Variants in SDK1 observed in about 807,000 individuals in gnomAD.
The protein encoded by SDK1 is protein sidekick-1.
In SDK1, 157 loss-of-function variants were observed where a neutral mutation model predicts 245.5. That is an observed-to-expected ratio of 0.64 (90% CI 0.56 to 0.73). The LOEUF (loss-of-function observed/expected upper bound fraction) is 0.73. SDK1 is among the 30% of genes least tolerant of loss of function. The pLI is 0.00. For synonymous variants in SDK1, 1,647 were observed against 1,278.5 expected (o/e 1.29, Z -6.15); for missense variants, 3,583 against 3,002.3 (o/e 1.19, Z -4.52).
At chr7:4,186,394 A>C (rs1016646521) in intron 35 of SDK1, among the ~76,000 whole-genome samples, 4 of 152,146 alleles carry the variant, frequency 2.6e-5, no homozygotes, top group African/African-American at 9.7e-5. Context: ...TGTTATCCCC[A>C]GGGTCGCTCT....
intron 5 of SDK1, among the ~76,000 whole-genome samples, chr7:3,843,735 G>A (rs895100604): frequency 4.3e-4 from 66 of 152,280 alleles, no homozygotes; most frequent in African/African-American, 1.5e-3. Context: ...CCATCGGGAC[G>A]CTGAGGCTTT....
intron 1 of SDK1, among the ~76,000 whole-genome samples, chr7:3,378,136 C>T (rs1462053132): frequency 1.3e-5 from 2 of 152,166 alleles, no homozygotes; most frequent in Non-Finnish European, 2.9e-5. Context: ...TATTTGTTGG[C>T]TCTGAGCTTC....
intron 5 of SDK1, among the ~76,000 whole-genome samples, chr7:3,833,985 C>G (rs1779974041): frequency 6.6e-6 from 1 of 152,148 alleles, no homozygotes; most frequent in Non-Finnish European, 1.5e-5. Flanking sequence ...CATGTTACTA[C>G]AGATTTTGAA....
chr7:3,563,009 A>G (rs922354543), intron 1 of SDK1, among the ~76,000 whole-genome samples: 1 of 151,094 alleles, frequency 6.6e-6, no homozygotes, highest in African/African-American at 2.4e-5. Context: ...AAATACATGC[A>G]AGTAACCCAG....
At chr7:3,476,256 T>C (rs1781345092) in intron 1 of SDK1, among the ~76,000 whole-genome samples, 1 of 152,220 alleles carries the variant, frequency 6.6e-6, no homozygotes, top group Non-Finnish European at 1.5e-5. Flanking sequence ...TTAATGCCAG[T>C]GACTTGAACA....
chr7:3,644,172 G>A (rs1782746607), intron 4 of SDK1, among the ~76,000 whole-genome samples: 1 of 150,566 alleles, frequency 6.6e-6, no homozygotes, highest in Non-Finnish European at 1.5e-5. Context: ...AAAGTGCTGG[G>A]ATTACAGGCA....
chr7:3,726,920 A>G (rs1312803263), intron 4 of SDK1, among the ~76,000 whole-genome samples: 1 of 152,248 alleles, frequency 6.6e-6, no homozygotes, highest in East Asian at 1.9e-4. Flanking sequence ...TTTTTGCTCA[A>G]CCACTTTGCT....
chr7:3,964,411 A>C (rs1370012071), intron 9 of SDK1, among the ~76,000 whole-genome samples: 2 of 152,250 alleles, frequency 1.3e-5, no homozygotes, highest in Non-Finnish European at 2.9e-5. Context: ...AGAATTGGAA[A>C]GACTATTGAG....
intron 1 of SDK1, among the ~76,000 whole-genome samples, chr7:3,377,803 G>C (rs1781391452): frequency 6.6e-6 from 1 of 152,102 alleles, no homozygotes; most frequent in Non-Finnish European, 1.5e-5. Flanking sequence ...TTTGGAGACA[G>C]AGTCTCACTC....
chr7:3,409,693 C>G (rs73671816), intron 1 of SDK1, among the ~76,000 whole-genome samples: 2,830 of 151,832 alleles, frequency 0.019, 74 homozygotes, highest in African/African-American at 0.063. Flanking sequence ...GGGGATGGCT[C>G]TGAGTTGAAG....
chr7:3,504,390 C>G (rs1470741344), intron 1 of SDK1, among the ~76,000 whole-genome samples: 1 of 151,752 alleles, frequency 6.6e-6, no homozygotes, highest in Non-Finnish European at 1.5e-5. Flanking sequence ...AGTTGGAGGA[C>G]TCATATTTTC....
At chr7:3,788,331 G>T (rs1780971386) in intron 4 of SDK1, among the ~76,000 whole-genome samples, 1 of 152,176 alleles carries the variant, frequency 6.6e-6, no homozygotes, top group Non-Finnish European at 1.5e-5. Flanking sequence ...TGTGCGGTCA[G>T]TGTGTGAAAC....
intron 1 of SDK1, among the ~76,000 whole-genome samples, chr7:3,452,505 A>T (rs947782099): frequency 2.6e-5 from 4 of 152,204 alleles, no homozygotes; most frequent in Non-Finnish European, 5.9e-5. Flanking sequence ...GAAAGTTATG[A>T]TGAACATGCA....
chr7:4,174,381 G>A (rs774027280), intron 33 of SDK1, 24 bp downstream of exon 33: 42 of 1,611,982 alleles, frequency 2.6e-5, no homozygotes, highest in Non-Finnish European at 3.4e-5. Context: ...CTCTGTCCTG[G>A]TACAGGGAGG....
rs1256306273 is a variant in SDK1 at position 3,774,899 on chromosome 7, C to T, written c.714-46551C>T. On this transcript the variant is annotated intron_variant, in intron 4 of 44. Coordinates refer to ENST00000404826, the MANE Select transcript of SDK1 (RefSeq NM_152744.4). ...TAATTGGGACTGTTAAATTATCACA[C>T]TCATGCATTCCTGTGAGGGAAGCCT... Among the ~76,000 whole-genome samples, 8 of 152,316 alleles carry T rather than the reference C, an allele frequency of 5.3e-5. No homozygotes were observed. In the East Asian group the frequency reaches 1.5e-3, roughly 29 times the overall value.
rs563162258 is a variant in SDK1 at position 3,529,548 on chromosome 7, T to TTTG, written c.299-89508_299-89506dup. ...TTAAATAAATGGGAGAGAAGCAAAG[T>TTTG]TTGTTGTTGTTGTTGTTGTTGTTGT... On this transcript the variant is annotated intron_variant, in intron 1 of 44. Coordinates refer to ENST00000404826, the MANE Select transcript of SDK1 (RefSeq NM_152744.4). 4.7e-3 allele frequency among the ~76,000 whole-genome samples: 719 copies of TTTG among 151,500 alleles called. 5 individuals are homozygous for TTTG. The highest frequency in any genetic ancestry group is 0.015 in the African/African-American group (615 of 41,272).
chr7:3,633,619 AAAAG>A (rs1376529076), intron 2 of SDK1, among the ~76,000 whole-genome samples: 3 of 152,268 alleles, frequency 2.0e-5, no homozygotes, highest in African/African-American at 7.2e-5. Context: ...TTTTCATAAA[AAAAG>A]AAATGATTCT....
intron 22 of SDK1, among the ~76,000 whole-genome samples, chr7:4,088,451 A>C (rs1015973882): frequency 2.0e-5 from 3 of 152,188 alleles, no homozygotes; most frequent in Non-Finnish European, 4.4e-5. Context: ...AGATTTTATC[A>C]TCAGGTATGA....
At chr7:3,660,226 A>G (rs1347335706) in intron 4 of SDK1, among the ~76,000 whole-genome samples, 1 of 152,080 alleles carries the variant, frequency 6.6e-6, no homozygotes, top group Non-Finnish European at 1.5e-5. Flanking sequence ...CAGGGTAGAG[A>G]AATAAGACAC....
Sources: gnomAD v4.1 joint callset for allele counts (sites outside exome capture counted in the v4.1 genomes callset) on GRCh38, gnomAD v4.1.1 for gene constraint, MANE v1.5 for transcripts, NCBI Gene and HGNC (gene_info 2026-07-23, HGNC 2026-07-21) for gene names.